The following SDK1 variants were observed in gnomAD, a reference collection of about 807,000 sequenced individuals.
SDK1 encodes the protein sidekick cell adhesion molecule 1.
Under a neutral mutation model 245.5 loss-of-function variants are expected in SDK1, and 157 were observed. That is an observed-to-expected ratio of 0.64 (90% CI 0.56 to 0.73). The LOEUF is 0.73. SDK1 is among the 30% of genes least tolerant of loss of function. SDK1 has a pLI of 0.00. For synonymous variants in SDK1, 1,647 were observed against 1,278.5 expected (o/e 1.29, Z -6.15); for missense variants, 3,583 against 3,002.3 (o/e 1.19, Z -4.52).
chr7:3,479,959 T>C (rs1190790556), intron 1 of SDK1, among the ~76,000 whole-genome samples: 1 of 152,172 alleles, frequency 6.6e-6, no homozygotes, highest in Non-Finnish European at 1.5e-5. Flanking sequence ...AGCTATGTTA[T>C]TAGGTACTGT....
chr7:3,989,902 C>G (rs1784166634), intron 14 of SDK1, among the ~76,000 whole-genome samples: 1 of 152,212 alleles, frequency 6.6e-6, no homozygotes, highest in Non-Finnish European at 1.5e-5. Flanking sequence ...TGTGCAGAGG[C>G]TGTAAGTCAC....
chr7:4,101,286 T>C (rs1047159590), intron 22 of SDK1, among the ~76,000 whole-genome samples: 5 of 151,682 alleles, frequency 3.3e-5, no homozygotes, highest in East Asian at 2.0e-4. Flanking sequence ...GGACTACAGG[T>C]GCCCGCCACC....
At chr7:3,742,117 G>A (rs998657404) in intron 4 of SDK1, among the ~76,000 whole-genome samples, 2 of 150,132 alleles carry the variant, frequency 1.3e-5, no homozygotes, top group South Asian at 4.2e-4. Flanking sequence ...ACATCTGGTT[G>A]TATTAAATTC....
chr7:3,964,559 C>T (rs1008980829), intron 9 of SDK1, among the ~76,000 whole-genome samples: 1 of 152,086 alleles, frequency 6.6e-6, no homozygotes, highest in Admixed American at 6.5e-5. Context: ...AATACCTTGG[C>T]TCTCTGTCTT....
rs368236161 is a variant in SDK1 at position 4,161,876 on chromosome 7, C to T, written c.4800+20C>T. On this transcript the variant is annotated intron_variant, in intron 32 of 44. Transcript: ENST00000404826. ...TGGCAGGTAAGAGCGCGGGGAATCA[C>T]GCGCGTTTTGTCAAATGTGTTCTCA... The T allele has an allele frequency of 2.4e-5, 39 of 1,608,702 alleles. No individual in the cohort carries two copies. The African/African-American group carries it at 3.2e-4, about 13-fold the overall frequency.
At chr7:3,661,615 G>A (rs1783357792) in intron 4 of SDK1, among the ~76,000 whole-genome samples, 1 of 152,098 alleles carries the variant, frequency 6.6e-6, no homozygotes, top group African/African-American at 2.4e-5. Flanking sequence ...TTTAAAAACT[G>A]TTTCTAAATT....
chr7:3,951,722 T>A lies in SDK1; in HGVS notation c.960-8T>A. On this transcript the variant is annotated splice_region_variant and splice_polypyrimidine_tract_variant and intron_variant, in intron 6 of 44. Coordinates refer to ENST00000404826, the MANE Select transcript of SDK1 (RefSeq NM_152744.4). ...AATCGTCGTCATGAATGCCTTTCAT[T>A]CCCACAGGCCTGTGGAGGACCTGAG... The A allele has an allele frequency of 6.2e-7, 1 of 1,611,702 alleles. No homozygotes were observed. Among genetic ancestry groups the A allele is most frequent in the Non-Finnish European group, 8.5e-7 (1 of 1,179,522 alleles).
In SDK1 at chr7:4,079,591, G is replaced by A. The variant is rs149882605; in HGVS notation, c.3324+7G>A. On this transcript the variant is annotated splice_region_variant and intron_variant, in intron 22 of 44. Coordinates refer to ENST00000404826, the MANE Select transcript of SDK1 (RefSeq NM_152744.4). ...GTGGATTGTTGAGGGGCAGGTACGT[G>A]TGTCGTTAGACTGGGAGCTGGCATT... 8,136 of 1,614,118 alleles carry A rather than the reference G, an allele frequency of 5.0e-3. 80 individuals carry two copies. The highest frequency in any genetic ancestry group is 0.029 in the South Asian group (2,656 of 91,080).
rs145930848 is a variant in SDK1, at chr7:3,574,622, T to G, written c.299-44458T>G. ...TGCCTGCCATTTGCAAAGCAAAACC[T>G]GTAATCCCAGTCCGCATCATTCCCC... is the stretch of plus-strand genomic sequence containing the variant. On this transcript the variant is annotated intron_variant, in intron 1 of 44. Coordinates refer to ENST00000404826, the MANE Select transcript of SDK1 (RefSeq NM_152744.4). Among the ~76,000 whole-genome samples the G allele has an allele frequency of 2.6e-5, 4 of 152,222 alleles. No homozygotes were observed. The East Asian group carries it at 7.7e-4, about 29-fold the overall frequency.
In SDK1 at chr7:3,469,503, T is replaced by C. The variant is rs914902022; in HGVS notation, c.299-149577T>C. Among the ~76,000 whole-genome samples, 7 of 152,222 alleles carry C rather than the reference T, an allele frequency of 4.6e-5. No individual in the cohort carries two copies. In the East Asian group the frequency reaches 5.8e-4, roughly 13 times the overall value. ...TAGCATGAGGTGATGTACACTTCTT[T>C]AGTATTTCTTAATATTTGCAGAGAG... is the stretch of plus-strand genomic sequence containing the variant. On this transcript the variant is annotated intron_variant, in intron 1 of 44. Transcript: ENST00000404826.
At chr7:3,750,422 A>G (rs918857511) in intron 4 of SDK1, among the ~76,000 whole-genome samples, 1 of 152,216 alleles carries the variant, frequency 6.6e-6, no homozygotes, top group Admixed American at 6.5e-5. Context: ...TAGAGAATCA[A>G]CTCTTCAGTG....
At chr7:3,349,297 A>G (rs552105867) in intron 1 of SDK1, among the ~76,000 whole-genome samples, 1 of 151,984 alleles carries the variant, frequency 6.6e-6, no homozygotes, top group Non-Finnish European at 1.5e-5. Flanking sequence ...GCAGGGTCTC[A>G]CCCTTATTAG....
chr7:3,392,878 G>T (rs923179830), intron 1 of SDK1, among the ~76,000 whole-genome samples: 1 of 151,542 alleles, frequency 6.6e-6, no homozygotes, highest in Non-Finnish European at 1.5e-5. Context: ...TGGACACTTG[G>T]GTTGTTGCCT....
At chr7:4,158,672 AT>A in intron 31 of SDK1, 121 bp downstream of exon 31, 1 of 674,394 alleles carries the variant, frequency 1.5e-6, no homozygotes, top group Non-Finnish European at 2.6e-6. Context: ...AAGCAGTAGA[AT>A]TCCATTAGTG....
chr7:3,519,323 A>G (rs1583988941), intron 1 of SDK1, among the ~76,000 whole-genome samples: 1 of 152,258 alleles, frequency 6.6e-6, no homozygotes, highest in Non-Finnish European at 1.5e-5. Context: ...GTTTGAGATG[A>G]TGAATTATGC....
chr7:4,039,107 A>C (rs1439770792), intron 17 of SDK1, among the ~76,000 whole-genome samples: 1 of 149,536 alleles, frequency 6.7e-6, no homozygotes, highest in African/African-American at 2.5e-5. Context: ...AACAATGAGA[A>C]CACATGGACA....
intron 5 of SDK1, among the ~76,000 whole-genome samples, chr7:3,872,480 G>A (rs1032232370): frequency 4.0e-5 from 6 of 149,576 alleles, no homozygotes; most frequent in Non-Finnish European, 7.4e-5. Flanking sequence ...TATTCAGGTT[G>A]TTTTTCTTCT....
At chr7:4,046,554 C>T (rs981448620) in intron 17 of SDK1, among the ~76,000 whole-genome samples, 21 of 152,222 alleles carry the variant, frequency 1.4e-4, no homozygotes, top group African/African-American at 4.1e-4. Flanking sequence ...CACCATTTGT[C>T]GAAATTACTA....
chr7:3,477,444 G>A (rs1781381485), intron 1 of SDK1, among the ~76,000 whole-genome samples: 2 of 151,000 alleles, frequency 1.3e-5, no homozygotes, highest in Admixed American at 6.6e-5. Context: ...GATCCACTTT[G>A]GCCTCCCAAA....
Sources: allele counts gnomAD v4.1 joint callset (sites outside exome capture counted in the v4.1 genomes callset), GRCh38; gene constraint gnomAD v4.1.1; transcripts MANE v1.5; gene names NCBI Gene and HGNC (gene_info 2026-07-23, HGNC 2026-07-21).